Variants in ROR1 observed in about 807,000 individuals in gnomAD.
ROR1 encodes the protein inactive tyrosine-protein kinase transmembrane receptor ROR1.
Under a neutral mutation model 78.8 loss-of-function variants are expected in ROR1, and 19 were observed. The observed-to-expected ratio is 0.24, with a 90% confidence interval of 0.17 to 0.35. The LOEUF (loss-of-function observed/expected upper bound fraction) is 0.35, where lower values mean the gene tolerates loss of function less well. Among genes scored for constraint, ROR1 ranks in the 10% least tolerant of loss-of-function variants. The pLI is 1.00. For synonymous variants in ROR1, 386 were observed against 433.6 expected (o/e 0.89, Z 1.36); for missense variants, 917 against 1,177.8 (o/e 0.78, Z 3.24).
chr1:64,159,285 T>C (rs1649868292), intron 8 of ROR1, 93 bp downstream of exon 8: 2 of 980,864 alleles, frequency 2.0e-6, no homozygotes, highest in Non-Finnish European at 3.2e-6. Context: ...TCGAATGATA[T>C]GGAATCAGAG....
At position 64,177,820 on chromosome 1, in the gene ROR1, G is replaced by A; in HGVS notation, c.1779G>A (p.Leu593=). 6.2e-7 allele frequency: 1 copy of A among 1,614,172 alleles called. No homozygotes were observed. The highest frequency in any genetic ancestry group is 1.1e-5 in the South Asian group (1 of 91,086). The change falls in exon 9 of 9, where the codon CTG becomes CTA. Residue 593 remains leucine (L), a synonymous_variant. Transcript: ENST00000371079. ...CCAGCCTGGACCACGGAGATTTTCT[G>A]CACATTGCAATTCAGATTGCAGCTG... ...VKSSLDHGDF[L]HIAIQIAAGM...
At chr1:64,159,896 A>G (rs1484572651) in intron 8 of ROR1, among the ~76,000 whole-genome samples, 1 of 152,182 alleles carries the variant, frequency 6.6e-6, no homozygotes, top group East Asian at 1.9e-4. Flanking sequence ...CTGGCAAGGA[A>G]CCCAGGGTCA....
At chr1:63,973,417 C>T (rs761302071) in intron 1 of ROR1, among the ~76,000 whole-genome samples, 1 of 152,176 alleles carries the variant, frequency 6.6e-6, no homozygotes, top group Non-Finnish European at 1.5e-5. Context: ...CCTCTCCATA[C>T]CTCTACCCAG....
chr1:63,917,095 A>G (rs1645614949), intron 1 of ROR1, among the ~76,000 whole-genome samples: 1 of 152,080 alleles, frequency 6.6e-6, no homozygotes, highest in Admixed American at 6.6e-5. Flanking sequence ...ACCCAACCTC[A>G]CAGCAGAAGA....
intron 1 of ROR1, among the ~76,000 whole-genome samples, chr1:63,867,309 G>A (rs755151163): frequency 6.6e-6 from 1 of 152,134 alleles, no homozygotes; most frequent in African/African-American, 2.4e-5. Context: ...AAGCGCTCAC[G>A]GAGGTTTATT....
intron 1 of ROR1, among the ~76,000 whole-genome samples, chr1:63,853,849 A>T (rs1645131771): frequency 6.6e-6 from 1 of 152,256 alleles, no homozygotes; most frequent in African/African-American, 2.4e-5. Context: ...CCTCTCCTGT[A>T]TTAGCATAAT....
chr1:63,901,066 C>T (rs934778163), intron 1 of ROR1, among the ~76,000 whole-genome samples: 22 of 152,168 alleles, frequency 1.4e-4, no homozygotes, highest in African/African-American at 4.8e-4. Flanking sequence ...AGTGGCAGAG[C>T]CAGAATGGTC....
At chr1:63,858,879 A>C (rs990851460) in intron 1 of ROR1, among the ~76,000 whole-genome samples, 2 of 152,214 alleles carry the variant, frequency 1.3e-5, no homozygotes, top group Non-Finnish European at 2.9e-5. Context: ...TGAGTATGTG[A>C]ATGTATACTC....
At chr1:63,928,423 C>T (rs1439379262) in intron 1 of ROR1, among the ~76,000 whole-genome samples, 1 of 152,174 alleles carries the variant, frequency 6.6e-6, no homozygotes, top group African/African-American at 2.4e-5. Context: ...CTTTTATTAG[C>T]AACTTAGTCA....
At chr1:63,984,587 T>C (rs1364655360) in intron 1 of ROR1, among the ~76,000 whole-genome samples, 3 of 152,206 alleles carry the variant, frequency 2.0e-5, no homozygotes, top group Non-Finnish European at 2.9e-5. Context: ...TATGTTGACC[T>C]TCTTTGTACC....
intron 1 of ROR1, among the ~76,000 whole-genome samples, chr1:63,863,321 T>G (rs1373771347): frequency 1.3e-5 from 2 of 152,188 alleles, no homozygotes; most frequent in Non-Finnish European, 2.9e-5. Flanking sequence ...GATTCTGGCC[T>G]CTAAGGGGCT....
chr1:64,000,292 T>G (rs1011718119), intron 1 of ROR1, among the ~76,000 whole-genome samples: 1 of 152,224 alleles, frequency 6.6e-6, no homozygotes, highest in African/African-American at 2.4e-5. Flanking sequence ...GGAACCTCTG[T>G]AGGGAGCTGA....
chr1:63,936,296 A>G (rs953627111), intron 1 of ROR1, among the ~76,000 whole-genome samples: 2 of 152,180 alleles, frequency 1.3e-5, no homozygotes, highest in Non-Finnish European at 2.9e-5. Flanking sequence ...TGGTTTATCA[A>G]AGCTAAGCAA....
intron 1 of ROR1, among the ~76,000 whole-genome samples, chr1:63,967,170 T>TGTG (rs112587680): frequency 0.025 from 3,842 of 152,202 alleles, 162 homozygotes; most frequent in African/African-American, 0.088. Flanking sequence ...TGCTAGCAAT[T>TGTG]GTGGTGGTTG....
intron 1 of ROR1, among the ~76,000 whole-genome samples, chr1:63,936,143 T>C (rs1318560838): frequency 6.6e-6 from 1 of 152,222 alleles, no homozygotes; most frequent in East Asian, 1.9e-4. Context: ...CCATTAGTTG[T>C]CTTTTATGTC....
intron 1 of ROR1, among the ~76,000 whole-genome samples, chr1:63,990,252 A>G (rs1054948504): frequency 1.3e-5 from 2 of 152,184 alleles, no homozygotes; most frequent in Non-Finnish European, 2.9e-5. Context: ...AGACTTGCCC[A>G]GGAAGAGAAG....
At chr1:63,870,437 CT>C (rs1326381662) in intron 1 of ROR1, among the ~76,000 whole-genome samples, 2 of 152,146 alleles carry the variant, frequency 1.3e-5, no homozygotes, top group African/African-American at 2.4e-5. Flanking sequence ...CATCATAAAT[CT>C]TGAGGCATCG....
intron 1 of ROR1, among the ~76,000 whole-genome samples, chr1:63,924,011 G>A (rs1038877687): frequency 6.6e-6 from 1 of 151,652 alleles, no homozygotes; most frequent in Admixed American, 6.7e-5. Context: ...CTCTAAACAC[G>A]GGGTTCTTCC....
chr1:63,813,828 A>G (rs1002395023), intron 1 of ROR1, among the ~76,000 whole-genome samples: 4 of 152,254 alleles, frequency 2.6e-5, no homozygotes, highest in African/African-American at 9.6e-5. Context: ...TCTGGAAGAT[A>G]TAGTCACATA....
Sources: gnomAD v4.1 joint callset for allele counts (sites outside exome capture counted in the v4.1 genomes callset) on GRCh38, gnomAD v4.1.1 for gene constraint, MANE v1.5 for transcripts, NCBI Gene and HGNC (gene_info 2026-07-23, HGNC 2026-07-21) for gene names.